Variants in PEBP1 observed in about 807,000 individuals in gnomAD.
The protein encoded by PEBP1 is phosphatidylethanolamine-binding protein 1.
PEBP1 carries 17 observed loss-of-function variants against 22.7 expected under a neutral mutation model. The ratio of observed to expected loss-of-function variants is 0.75; its 90% CI spans 0.51 to 1.12. The LOEUF is 1.12. Among genes scored for constraint, PEBP1 ranks in the 50% most tolerant of loss-of-function variants. The probability of loss-of-function intolerance (pLI) is 0.00; values close to 1 mark genes in which losing one functional copy is unlikely to be tolerated. For synonymous variants in PEBP1, 106 were observed against 104.3 expected, an observed-to-expected ratio of 1.02 and a Z score of -0.10; for missense variants, 205 against 243.5, an observed-to-expected ratio of 0.84 and a Z score of 1.05.
rs1396951565 is a variant in PEBP1, at chr12:118,136,880, G to A, written c.135+536G>A. On this transcript the variant is annotated intron_variant, in intron 1 of 3. Transcript: ENST00000261313. This position sits in a 1 kb window ranked among gnomAD's most constrained non-coding sequence, Gnocchi z 5.6. Reference sequence around the variant, plus strand: ...CCAGCCGGTACGCTGGAGGGCAACGGTTTAGTTTTGGTCTTTGACCTCCCA... The same window carrying A: ...CCAGCCGGTACGCTGGAGGGCAACGATTTAGTTTTGGTCTTTGACCTCCCA... Among the ~76,000 whole-genome samples the A allele has an allele frequency of 6.6e-6, 1 of 152,178 alleles. No homozygotes were observed. Among genetic ancestry groups the A allele is most frequent in the Non-Finnish European group, 1.5e-5 (1 of 68,034 alleles).
At position 118,136,230 on chromosome 12, in the gene PEBP1, G is replaced by A; in HGVS notation, c.21G>A (p.Lys7=). 6.5e-7 allele frequency: 1 copy of A among 1,546,832 alleles called. No individual in the cohort carries two copies. The highest frequency in any genetic ancestry group is 1.2e-5 in the South Asian group (1 of 83,970). Residue 7 remains lysine (K), a synonymous_variant, in exon 1 of 4, where the codon AAG becomes AAA. Transcript: ENST00000261313. This position sits in a 1 kb window ranked among gnomAD's most constrained non-coding sequence, Gnocchi z 5.6. MPVDLS[K]WSGPLSLQEV... ...TCGCCATGCCGGTGGACCTCAGCAA[G>A]TGGTCCGGGCCCTTGAGCCTGCAAG...
At chr12:118,142,451 C>G (rs2034121819) in intron 3 of PEBP1, among the ~76,000 whole-genome samples, 1 of 151,770 alleles carries the variant, frequency 6.6e-6, no homozygotes. Context: ...CCTCAGCCTC[C>G]CAAAGTGCTG....
chr12:118,140,945 G>T (rs1003851453), intron 3 of PEBP1, among the ~76,000 whole-genome samples: 1 of 152,038 alleles, frequency 6.6e-6, no homozygotes, highest in African/African-American at 2.4e-5. Flanking sequence ...TCCACAGATC[G>T]GAAGGGTTCA....
At chr12:118,137,804 C>T (rs943574534) in intron 1 of PEBP1, among the ~76,000 whole-genome samples, 16 of 152,190 alleles carry the variant, frequency 1.1e-4, no homozygotes, top group Admixed American at 1.0e-3. Context: ...CCTCCCACCT[C>T]AGCCTCCCGA....
intron 3 of PEBP1, among the ~76,000 whole-genome samples, chr12:118,142,612 G>T (rs2034123282): frequency 6.6e-6 from 1 of 151,970 alleles, no homozygotes; most frequent in Non-Finnish European, 1.5e-5. Context: ...GGGTAGCTAG[G>T]ATTACAGACA....
At chr12:118,139,009 T>C (rs2034091169) in intron 2 of PEBP1, 1 of 176,698 alleles carries the variant, frequency 5.7e-6, no homozygotes, top group African/African-American at 2.4e-5. Flanking sequence ...AGGTTCGTGC[T>C]GGCCTCTAAG....
At chr12:118,144,312 G>C (rs1215606358) in intron 3 of PEBP1, among the ~76,000 whole-genome samples, 1 of 152,130 alleles carries the variant, frequency 6.6e-6, no homozygotes. Flanking sequence ...GGCCAGGAGA[G>C]GCTGGAACTA....
At chr12:118,137,129 TC>T (rs1487777181) in intron 1 of PEBP1, among the ~76,000 whole-genome samples, 1 of 152,194 alleles carries the variant, frequency 6.6e-6, no homozygotes, top group Non-Finnish European at 1.5e-5. Context: ...CTTGGCTTTC[TC>T]CTTTTCTTTG....
At chr12:118,139,629 T>C (rs2034097777) in intron 3 of PEBP1, 78 bp downstream of exon 3, 1 of 861,264 alleles carries the variant, frequency 1.2e-6, no homozygotes. Flanking sequence ...TGCTTTTCTT[T>C]TGAGAGCCCT....
At chr12:118,141,507 T>C (rs939828199) in intron 3 of PEBP1, among the ~76,000 whole-genome samples, 1 of 152,106 alleles carries the variant, frequency 6.6e-6, no homozygotes, top group Admixed American at 6.6e-5. Flanking sequence ...GTGGAGGCAG[T>C]TGGATCACTT....
chr12:118,144,193 G>A lies in PEBP1; in HGVS notation c.347-393G>A, dbSNP rs568355665. ...AGTGAAATGGGTGTTCTGATGGGGG[G>A]TGGTGGGTGGTGACTTGAGAAGGTC... On this transcript the variant is annotated intron_variant, in intron 3 of 3. Coordinates refer to ENST00000261313, the MANE Select transcript of PEBP1 (RefSeq NM_002567.4). 6.6e-5 allele frequency among the ~76,000 whole-genome samples: 10 copies of A among 152,144 alleles called. No homozygotes were observed. In the East Asian group the frequency reaches 1.6e-3, roughly 24 times the overall value.
At chr12:118,141,408 T>C (rs1022407635) in intron 3 of PEBP1, among the ~76,000 whole-genome samples, 2 of 152,168 alleles carry the variant, frequency 1.3e-5, no homozygotes, top group Non-Finnish European at 2.9e-5. Context: ...AGCCACTGTG[T>C]CCAGCCACTT....
chr12:118,141,774 G>A (rs1868680839), intron 3 of PEBP1, among the ~76,000 whole-genome samples: 1 of 152,076 alleles, frequency 6.6e-6, no homozygotes, highest in African/African-American at 2.4e-5. Flanking sequence ...TAAAAAATTT[G>A]GGTGACTGGT....
chr12:118,136,468 C>T lies in PEBP1; in HGVS notation c.135+124C>T, dbSNP rs1198922503. 3 of 1,158,058 alleles carry T rather than the reference C, an allele frequency of 2.6e-6. No homozygotes were observed. Among genetic ancestry groups the T allele is most frequent in the Non-Finnish European group, 3.5e-6 (3 of 853,646 alleles). 71.7% of individuals were successfully genotyped at this position (1,158,058 alleles called of 1,614,324 possible). A position where few individuals can be genotyped will look rare whatever the true frequency, so the allele number is the denominator to read the frequency against. ...GAGGTTCAGCCTGCGTGTGTCGAGGCCCCCCCAGGCCAGAGGTCCCGGGGT... is the reference window on the plus strand; with the variant it reads ...GAGGTTCAGCCTGCGTGTGTCGAGGTCCCCCCAGGCCAGAGGTCCCGGGGT... On this transcript the variant is annotated intron_variant, in intron 1 of 3. Transcript: ENST00000261313. The surrounding 1 kb of genome is among the most constrained non-coding windows in gnomAD (Gnocchi z 5.6).
chr12:118,140,746 G>A (rs952391285), intron 3 of PEBP1, among the ~76,000 whole-genome samples: 7 of 152,144 alleles, frequency 4.6e-5, no homozygotes, highest in Admixed American at 6.5e-5. Flanking sequence ...CACCGTGTTA[G>A]CCAGGATGGT....
intron 3 of PEBP1, among the ~76,000 whole-genome samples, chr12:118,141,384 G>A (rs1033504592): frequency 2.0e-5 from 3 of 152,112 alleles, no homozygotes; most frequent in African/African-American, 7.2e-5. Flanking sequence ...CAAAGTGCTG[G>A]GATTACAGGC....
chr12:118,136,132 G>A lies in PEBP1; in HGVS notation c.-78G>A, dbSNP rs2034053548. Reference sequence around the variant, plus strand: ...CTGCGTCTTCCCGAGCCAGTGTGCTGAGCTCTCCGCGTCGCCTCTGTCGCC... The same window carrying A: ...CTGCGTCTTCCCGAGCCAGTGTGCTAAGCTCTCCGCGTCGCCTCTGTCGCC... On this transcript the variant is annotated 5_prime_UTR_variant, in exon 1 of 4. Transcript: ENST00000261313. The surrounding 1 kb of genome is among the most constrained non-coding windows in gnomAD (Gnocchi z 5.6). 1.1e-5 allele frequency: 17 copies of A among 1,510,280 alleles called. No homozygotes were observed. Among genetic ancestry groups the A allele is most frequent in the Non-Finnish European group, 1.4e-5 (16 of 1,127,276 alleles). 93.6% of individuals were successfully genotyped at this position (1,510,280 alleles called of 1,614,324 possible).
In PEBP1 at chr12:118,144,851, T is replaced by G. The variant is rs777308603; in HGVS notation, c.*48T>G. ...CTGTCCTGGAGGCCCCAAGCCATGT[T>G]CCCCAGTTCAGTGTTGCATGTATAA... On this transcript the variant is annotated 3_prime_UTR_variant, in exon 4 of 4. Coordinates refer to ENST00000261313, the MANE Select transcript of PEBP1 (RefSeq NM_002567.4). 5 of 1,611,754 alleles carry G rather than the reference T, an allele frequency of 3.1e-6. No homozygotes were observed. The African/African-American group carries it at 5.3e-5, about 17-fold the overall frequency.
Position 118,144,921 on chromosome 12 carries a change from A to C in PEBP1, c.*118A>C. ...CCCCCCTTGGCATGGGTGAGACCTGACCAGTCAGATGGTAGTTGAGGGTGA... is the reference window on the plus strand; with the variant it reads ...CCCCCCTTGGCATGGGTGAGACCTGCCCAGTCAGATGGTAGTTGAGGGTGA... On this transcript the variant is annotated 3_prime_UTR_variant, in exon 4 of 4. Coordinates refer to ENST00000261313, the MANE Select transcript of PEBP1 (RefSeq NM_002567.4). 1 of 1,564,692 alleles carries C rather than the reference A, an allele frequency of 6.4e-7. No homozygotes were observed. Among genetic ancestry groups the C allele is most frequent in the Non-Finnish European group, 8.6e-7 (1 of 1,161,728 alleles).
Sources: gnomAD v4.1 joint callset for allele counts (sites outside exome capture counted in the v4.1 genomes callset) on GRCh38, gnomAD v4.1.1 for gene constraint, Gnocchi (gnomAD v3.1) non-coding constraint, MANE v1.5 for transcripts, NCBI Gene and HGNC (gene_info 2026-07-23, HGNC 2026-07-21) for gene names.